Variants in MAP1LC3A observed in about 807,000 individuals in gnomAD.
The protein encoded by MAP1LC3A is microtubule associated protein 1 light chain 3 alpha.
Under a neutral mutation model 15.2 loss-of-function variants are expected in MAP1LC3A, and 10 were observed. That is an observed-to-expected ratio of 0.66 (90% CI 0.41 to 1.12). MAP1LC3A has a LOEUF of 1.12. Among genes scored for constraint, MAP1LC3A ranks in the 50% most tolerant of loss-of-function variants. MAP1LC3A has a pLI of 0.00. For missense variants in MAP1LC3A, 138 were observed against 167.3 expected (o/e 0.82, Z 0.97); for synonymous variants, 63 against 64.3 (o/e 0.98, Z 0.10).
At chr20:34,559,638 G>A in intron 3 of MAP1LC3A, 98 bp from the exon 4 acceptor site, 5 of 1,371,330 alleles carry the variant, frequency 3.6e-6, no homozygotes, top group Non-Finnish European at 5.0e-6. Flanking sequence ...GCTGGGGTGA[G>A]AATGGGTGTG....
In MAP1LC3A at chr20:34,559,933, C is replaced by CTCGGCCTGGGAGTCGGGG; in HGVS notation, c.*35_*36insTCGGCCTGGGAGTCGGGG. ...AGGGGGGCTCGGCCTGGGAGTCGGG[C>CTCGGCCTGGGAGTCGGGG]GGCCCCGGTCAGGCCCTGCCCAGAG... On this transcript the variant is annotated 3_prime_UTR_variant, in exon 4 of 4. Transcript: ENST00000360668. The CTCGGCCTGGGAGTCGGGG allele has an allele frequency of 6.3e-7, 1 of 1,588,998 alleles. No individual in the cohort carries two copies. The highest frequency in any genetic ancestry group is 8.6e-7 in the Non-Finnish European group (1 of 1,169,144).
Position 34,558,952 on chromosome 20 carries a change from C to T in MAP1LC3A, c.40+44C>T, listed in dbSNP as rs1478931738. 18 of 1,350,326 alleles carry T rather than the reference C, an allele frequency of 1.3e-5. No homozygotes were observed. Among genetic ancestry groups the T allele is most frequent in the East Asian group, 3.1e-5 (1 of 32,040 alleles). The allele number at this position is 1,350,326 out of a possible 1,614,324, so 83.6% of individuals were successfully genotyped here. ...GCTGCGAGCTCTGGGGCAGGGGTGCCGGCCGACCCCGACTGCCGCAGGTGA... is the reference window on the plus strand; with the variant it reads ...GCTGCGAGCTCTGGGGCAGGGGTGCTGGCCGACCCCGACTGCCGCAGGTGA... On this transcript the variant is annotated intron_variant, in intron 1 of 3. Transcript: ENST00000360668. The surrounding 1 kb of genome is among the most constrained non-coding windows in gnomAD (Gnocchi z 4.3).
chr20:34,560,094 T>G lies in MAP1LC3A; in HGVS notation c.*196T>G. ...GCCGGTCGTGTTAGGGTTGTCCCTC[T>G]GGGTGCTGGCTGGTGGGATGGGGGA... On this transcript the variant is annotated 3_prime_UTR_variant, in exon 4 of 4. Coordinates refer to ENST00000360668, the MANE Select transcript of MAP1LC3A (RefSeq NM_032514.4). The G allele has an allele frequency of 9.1e-5, 31 of 338,834 alleles. No homozygotes were observed. Among genetic ancestry groups the G allele is most frequent in the East Asian group, 2.4e-4 (3 of 12,398 alleles). 21.0% of individuals were successfully genotyped at this position (338,834 alleles called of 1,614,324 possible). A position where few individuals can be genotyped will look rare whatever the true frequency, so the allele number is the denominator to read the frequency against.
At position 34,558,897 on chromosome 20, in the gene MAP1LC3A, G is replaced by A; in HGVS notation, c.29G>A (p.Arg10Gln). The A allele has an allele frequency of 7.0e-7, 1 of 1,419,336 alleles. No individual in the cohort carries two copies. The highest frequency in any genetic ancestry group is 3.1e-5 in the East Asian group (1 of 32,628). The allele number at this position is 1,419,336 out of a possible 1,614,324, so 87.9% of individuals were successfully genotyped here. Residue 10 changes from arginine to glutamine, a missense_variant, in exon 1 of 4, where the codon CGG becomes CAG. Physicochemically the swap from Arg to Gln is conservative, Grantham distance 43 (BLOSUM62 1). Coordinates refer to ENST00000360668, the MANE Select transcript of MAP1LC3A (RefSeq NM_032514.4). This position sits in a 1 kb window ranked among gnomAD's most constrained non-coding sequence, Gnocchi z 4.3. MPSDRPFKQRRSFADRCKEV... is the reference protein window; with the variant it reads MPSDRPFKQQRSFADRCKEV... Reference sequence around the variant, plus strand: ...CCCTCAGACCGGCCTTTCAAGCAGCGGCGGAGCTTCGGTGAGGCCCGGCAG... The same window carrying A: ...CCCTCAGACCGGCCTTTCAAGCAGCAGCGGAGCTTCGGTGAGGCCCGGCAG...
chr20:34,553,631 T>C (rs1285825699), intron 2 of MAP1LC3A, among the ~76,000 whole-genome samples: 1 of 152,206 alleles, frequency 6.6e-6, no homozygotes, highest in Non-Finnish European at 1.5e-5. Flanking sequence ...GGATCAAAAG[T>C]CGGCAAACTA....
intron 1 of MAP1LC3A, among the ~76,000 whole-genome samples, chr20:34,547,953 G>A (rs1174995385): frequency 1.3e-5 from 2 of 152,148 alleles, no homozygotes; most frequent in Admixed American, 6.5e-5. Flanking sequence ...CAGTGTGCTC[G>A]GCCTTGCTTC....
chr20:34,557,602 A>G (rs1982206392), upstream of MAP1LC3A, among the ~76,000 whole-genome samples: 1 of 152,134 alleles, frequency 6.6e-6, no homozygotes, highest in South Asian at 2.1e-4. Context: ...TTTGGGTTCC[A>G]TGTCCTTGTT....
chr20:34,559,617 C>A, intron 3 of MAP1LC3A, 119 bp from the exon 4 acceptor site: 1 of 1,289,076 alleles, frequency 7.8e-7, no homozygotes, highest in Non-Finnish European at 1.1e-6. Flanking sequence ...GGTGTTGGGT[C>A]AGAGGTGACA....
intron 1 of MAP1LC3A, among the ~76,000 whole-genome samples, chr20:34,549,485 G>C (rs115910063): frequency 1.3e-5 from 2 of 152,196 alleles, no homozygotes; most frequent in Non-Finnish European, 2.9e-5. Flanking sequence ...TGCAGGGCAG[G>C]TTCTTTGCCT....
chr20:34,556,491 CT>C (rs551317116), upstream of MAP1LC3A, among the ~76,000 whole-genome samples: 37 of 145,942 alleles, frequency 2.5e-4, no homozygotes, highest in African/African-American at 3.3e-4. Flanking sequence ...CCTCTATGTC[CT>C]TTTTTTTTTG....
upstream of MAP1LC3A, among the ~76,000 whole-genome samples, chr20:34,554,353 G>GTTT (rs1600568580): frequency 2.4e-5 from 3 of 124,096 alleles, no homozygotes; most frequent in East Asian, 4.7e-4. Flanking sequence ...CTATACGTTG[G>GTTT]GTTTTTTTTT....
chr20:34,549,784 T>C, intron 1 of MAP1LC3A: 2 of 542,452 alleles, frequency 3.7e-6, no homozygotes, highest in Non-Finnish European at 6.7e-6. Flanking sequence ...ATGGCACTGG[T>C]GGGCGTGTCT....
At position 34,550,820 on chromosome 20, in the gene MAP1LC3A, T is replaced by C. The variant is rs573026313; in HGVS notation, c.52+791T>C. On this transcript the variant is annotated intron_variant, in intron 2 of 4. Coordinates refer to the MAP1LC3A transcript ENST00000374837. ...CTTAAAGTATAATTAAAAATATATA[T>C]ATATCCACACAAACACTGTCACAGA... Among the ~76,000 whole-genome samples, 6 of 152,230 alleles carry C rather than the reference T, an allele frequency of 3.9e-5. 1 individual carries two copies. Among genetic ancestry groups the C allele is most frequent in the Admixed American group, 3.3e-4 (5 of 15,280 alleles).
At chr20:34,557,336 T>TA (rs1321614006), upstream of MAP1LC3A, among the ~76,000 whole-genome samples, 2 of 152,220 alleles carry the variant, frequency 1.3e-5, no homozygotes, top group Non-Finnish European at 2.9e-5. Context: ...CATTGGCAGT[T>TA]ATAGTTCCGT....
upstream of MAP1LC3A, among the ~76,000 whole-genome samples, chr20:34,554,629 C>T (rs1445229950): frequency 1.3e-5 from 2 of 151,390 alleles, no homozygotes; most frequent in Non-Finnish European, 2.9e-5. Context: ...GCCTTGGCCG[C>T]CCAAAGTGCT....
At chr20:34,550,094 G>A in intron 2 of MAP1LC3A, 1 of 1,513,716 alleles carries the variant, frequency 6.6e-7, no homozygotes, top group Non-Finnish European at 9.2e-7. Context: ...CACACTCGCG[G>A]TCATCAGTGG....
chr20:34,547,195 G>C (rs1981766880), intron 1 of MAP1LC3A, among the ~76,000 whole-genome samples: 1 of 152,118 alleles, frequency 6.6e-6, no homozygotes, highest in African/African-American at 2.4e-5. Flanking sequence ...TTCGGCAGGT[G>C]GCCCTTTTGC....
In MAP1LC3A at chr20:34,560,082, G is replaced by C. The variant is rs1334658873; in HGVS notation, c.*184G>C. ...GGTGGATCCTGGGCCGGTCGTGTTAGGGTTGTCCCTCTGGGTGCTGGCTGG... is the reference window on the plus strand; with the variant it reads ...GGTGGATCCTGGGCCGGTCGTGTTACGGTTGTCCCTCTGGGTGCTGGCTGG... On this transcript the variant is annotated 3_prime_UTR_variant, in exon 4 of 4. Coordinates refer to ENST00000360668, the MANE Select transcript of MAP1LC3A (RefSeq NM_032514.4). 5.3e-6 allele frequency: 3 copies of C among 566,778 alleles called. No individual in the cohort carries two copies. The highest frequency in any genetic ancestry group is 9.2e-6 in the Non-Finnish European group (3 of 327,148). The allele number at this position is 566,778 out of a possible 1,614,324, so 35.1% of individuals were successfully genotyped here.
At chr20:34,556,084 C>T (rs1272453691), upstream of MAP1LC3A, among the ~76,000 whole-genome samples, 1 of 151,820 alleles carries the variant, frequency 6.6e-6, no homozygotes, top group Admixed American at 6.6e-5. Flanking sequence ...CCTCGTGATC[C>T]GCCTGCCTTG....
Sources: allele counts gnomAD v4.1 joint callset (sites outside exome capture counted in the v4.1 genomes callset), GRCh38; gene constraint gnomAD v4.1.1; non-coding constraint Gnocchi (gnomAD v3.1); transcripts MANE v1.5; gene names NCBI Gene and HGNC (gene_info 2026-07-23, HGNC 2026-07-21).